Variants in COX7A2L observed in about 807,000 individuals in gnomAD.
The protein encoded by COX7A2L is cytochrome c oxidase subunit 7A2-like, mitochondrial.
COX7A2L carries 18 observed loss-of-function variants against 14.2 expected under a neutral mutation model. The ratio of observed to expected loss-of-function variants is 1.27; its 90% CI spans 0.88 to 1.88. The LOEUF (loss-of-function observed/expected upper bound fraction) is 1.88. Among genes scored for constraint, COX7A2L ranks in the 40% most tolerant of loss-of-function variants. The pLI is 0.00. For synonymous variants in COX7A2L, 65 were observed against 57.4 expected (o/e 1.13, Z -0.60); for missense variants, 179 against 138.8 (o/e 1.29, Z -1.46).
intron 1 of COX7A2L, among the ~76,000 whole-genome samples, chr2:42,354,424 CT>C (rs1351507448): frequency 6.6e-6 from 1 of 152,024 alleles, no homozygotes; most frequent in African/African-American, 2.4e-5. Context: ...TAAATTCTAA[CT>C]AAGAAAAATA....
upstream of COX7A2L, among the ~76,000 whole-genome samples, chr2:42,364,258 A>C (rs1671115960): frequency 6.6e-6 from 1 of 150,776 alleles, no homozygotes; most frequent in Admixed American, 6.6e-5. Context: ...CTCAAAAAAA[A>C]AAAAAAAAAA....
chr2:42,365,705 T>C (rs532918428), upstream of COX7A2L: 8 of 152,306 alleles, frequency 5.3e-5, no homozygotes, highest in African/African-American at 1.9e-4. Flanking sequence ...TGCTTTCATG[T>C]ACTTACACCC....
chr2:42,346,181 A>T (rs1670494440), downstream of COX7A2L, among the ~76,000 whole-genome samples: 1 of 152,194 alleles, frequency 6.6e-6, no homozygotes, highest in Non-Finnish European at 1.5e-5. Context: ...AATTAAGGGC[A>T]TGTTGCCAGC....
chr2:42,368,831 T>G (rs1173352522), intron 1 of COX7A2L: 1 of 152,154 alleles, frequency 6.6e-6, no homozygotes, highest in Non-Finnish European at 1.5e-5. Flanking sequence ...CCTTGGCACA[T>G]AGCAAGCACC....
chr2:42,361,280 T>C (rs938615639), upstream of COX7A2L: 2 of 896,352 alleles, frequency 2.2e-6, no homozygotes, highest in Admixed American at 2.9e-5. Flanking sequence ...GGACTAGGGC[T>C]GCCCGAAGAT....
chr2:42,360,486 C>T (rs796493576), intron 1 of COX7A2L, among the ~76,000 whole-genome samples: 25 of 152,260 alleles, frequency 1.6e-4, no homozygotes, highest in African/African-American at 5.8e-4. Context: ...AAATGGAATA[C>T]TTTTCAGACA....
intron 2 of COX7A2L, among the ~76,000 whole-genome samples, chr2:42,352,072 G>C (rs1670665428): frequency 6.6e-6 from 1 of 152,226 alleles, no homozygotes; most frequent in African/African-American, 2.4e-5. Flanking sequence ...AGTACCTCAT[G>C]TCAATAGGTT....
At chr2:42,351,419 C>G in intron 2 of COX7A2L, 60 bp from the exon 3 acceptor site, 1 of 1,589,216 alleles carries the variant, frequency 6.3e-7, no homozygotes, top group Non-Finnish European at 8.6e-7. Flanking sequence ...CAATTTTACT[C>G]TTAAAAAATA....
rs1670612580 is a variant in COX7A2L at position 42,350,790 on chromosome 2, G to A, written c.*429C>T. The A allele has an allele frequency of 6.5e-6, 1 of 153,080 alleles. No individual in the cohort carries two copies. Among genetic ancestry groups the A allele is most frequent in the African/African-American group, 2.4e-5 (1 of 41,460 alleles). The allele number at this position is 153,080 out of a possible 1,614,324, so 9.5% of individuals were successfully genotyped here. A position where few individuals can be genotyped will look rare whatever the true frequency, so the allele number is the denominator to read the frequency against. ...ACTGCAAAATGGAAAAAATCCCCGA[G>A]GTGACTAACTCAAACTCCTCATTTC... is the stretch of plus-strand genomic sequence containing the variant. On this transcript the variant is annotated 3_prime_UTR_variant, in exon 3 of 3. Transcript: ENST00000234301.
chr2:42,354,085 T>C (rs565198776), intron 1 of COX7A2L, among the ~76,000 whole-genome samples: 1 of 152,228 alleles, frequency 6.6e-6, no homozygotes, highest in African/African-American at 2.4e-5. Flanking sequence ...AGGTGGGGGC[T>C]TGGGGGCTAG....
intron 1 of COX7A2L, among the ~76,000 whole-genome samples, chr2:42,368,375 C>G (rs1461401580): frequency 2.0e-5 from 3 of 152,138 alleles, no homozygotes; most frequent in Non-Finnish European, 4.4e-5. Flanking sequence ...TAAAGCAATT[C>G]CATTTATTTA....
intron 1 of COX7A2L, chr2:42,359,675 A>C (rs577856523): frequency 6.6e-6 from 1 of 151,936 alleles, no homozygotes; most frequent in African/African-American, 2.4e-5. Flanking sequence ...TCTAACTATA[A>C]TCCAACCTTT....
intron 1 of COX7A2L, among the ~76,000 whole-genome samples, chr2:42,366,428 A>C (rs1032824373): frequency 1.3e-5 from 2 of 152,214 alleles, no homozygotes; most frequent in African/African-American, 4.8e-5. Context: ...TGTCTCAAAA[A>C]AACAAAAACA....
chr2:42,353,802 C>T (rs535751250), intron 1 of COX7A2L, among the ~76,000 whole-genome samples: 1 of 152,278 alleles, frequency 6.6e-6, no homozygotes, highest in African/African-American at 2.4e-5. Context: ...ACAATACTTG[C>T]CTTCCAGGAC....
intron 2 of COX7A2L, among the ~76,000 whole-genome samples, chr2:42,340,114 AAGAC>A (rs1670371960): frequency 1.3e-5 from 2 of 152,126 alleles, no homozygotes; most frequent in African/African-American, 4.8e-5. Context: ...CCTCACCTAG[AAGAC>A]CCATAGGCAA....
At chr2:42,367,664 C>T (rs1472594595) in intron 1 of COX7A2L, among the ~76,000 whole-genome samples, 1 of 152,266 alleles carries the variant, frequency 6.6e-6, no homozygotes, top group East Asian at 1.9e-4. Context: ...AGCGACACGC[C>T]TGCCGTTAGC....
chr2:42,351,804 T>C (rs765960482), intron 2 of COX7A2L, among the ~76,000 whole-genome samples: 6 of 152,208 alleles, frequency 3.9e-5, no homozygotes, highest in Non-Finnish European at 7.4e-5. Flanking sequence ...CAAAACCCTG[T>C]CTCTACAGAA....
At chr2:42,351,486 A>T (rs1287890822) in intron 2 of COX7A2L, 127 bp from the exon 3 acceptor site, 13 of 1,040,074 alleles carry the variant, frequency 1.2e-5, no homozygotes, top group Admixed American at 2.8e-5. Flanking sequence ...GAAAAGCACT[A>T]ATCCATGGAA....
rs907331872 is a variant in COX7A2L at position 42,350,371 on chromosome 2, A to G, written c.*848T>C. 2 of 152,180 alleles carry G rather than the reference A, an allele frequency of 1.3e-5. No individual in the cohort carries two copies. Among genetic ancestry groups the G allele is most frequent in the African/African-American group, 4.8e-5 (2 of 41,426 alleles). The allele number at this position is 152,180 out of a possible 1,614,324, so 9.4% of individuals were successfully genotyped here. ...ATGCCATTAAGACTCCTATTACTAGACTTTTAAGAACCATTTTATAAAGAT... is the reference window on the plus strand; with the variant it reads ...ATGCCATTAAGACTCCTATTACTAGGCTTTTAAGAACCATTTTATAAAGAT... On this transcript the variant is annotated 3_prime_UTR_variant, in exon 3 of 3. Transcript: ENST00000234301.
Sources: allele counts gnomAD v4.1 joint callset (sites outside exome capture counted in the v4.1 genomes callset), GRCh38; gene constraint gnomAD v4.1.1; transcripts MANE v1.5; gene names NCBI Gene and HGNC (gene_info 2026-07-23, HGNC 2026-07-21).